CCDC7: variants seen among roughly 807,000 people sequenced by gnomAD.
CCDC7 encodes coiled-coil domain-containing protein 7.
CCDC7 carries 183 observed loss-of-function variants against 196.9 expected under a neutral mutation model. The observed-to-expected ratio is 0.93, with a 90% CI of 0.82 to 1.05. CCDC7 has a LOEUF of 1.05. CCDC7 is among the 50% of genes least tolerant of loss of function. The pLI, the probability that CCDC7 is intolerant of heterozygous loss-of-function variation, is 0.00. For missense variants in CCDC7, 1,540 were observed against 1,482.2 expected (o/e 1.04, Z -0.64); for synonymous variants, 525 against 484.6 (o/e 1.08, Z -1.10).
intron 8 of CCDC7, among the ~76,000 whole-genome samples, chr10:32,491,192 C>T (rs1055451278): frequency 2.6e-5 from 4 of 152,058 alleles, no homozygotes; most frequent in Admixed American, 6.6e-5. Context: ...TCTTTTGACA[C>T]GTGGGATAGA....
At chr10:32,472,053 T>C (rs1224691402) in intron 6 of CCDC7, among the ~76,000 whole-genome samples, 1 of 152,196 alleles carries the variant, frequency 6.6e-6, no homozygotes, top group Non-Finnish European at 1.5e-5. Context: ...CAATAGAGGT[T>C]AAGTAATATA....
At chr10:32,768,829 C>T (rs543144715) in intron 28 of CCDC7, among the ~76,000 whole-genome samples, 2 of 152,142 alleles carry the variant, frequency 1.3e-5, no homozygotes, top group South Asian at 4.1e-4. Flanking sequence ...TATTTATTTG[C>T]ATATATTGAA....
chr10:32,872,943 C>T (rs185489992), intron 41 of CCDC7, among the ~76,000 whole-genome samples: 10 of 152,120 alleles, frequency 6.6e-5, no homozygotes, highest in Middle Eastern at 6.8e-3. Flanking sequence ...TGTGGGTAAC[C>T]GGTGTTTCTC....
chr10:32,574,247 GT>G (rs1216232494), intron 16 of CCDC7, among the ~76,000 whole-genome samples: 1 of 149,664 alleles, frequency 6.7e-6, no homozygotes, highest in East Asian at 1.9e-4. Flanking sequence ...GATGAAATAG[GT>G]TGTTTCAGCT....
At chr10:32,530,575 A>G (rs748738335) in intron 11 of CCDC7, among the ~76,000 whole-genome samples, 12 of 152,080 alleles carry the variant, frequency 7.9e-5, no homozygotes, top group Non-Finnish European at 1.8e-4. Context: ...GAAATGGTAT[A>G]TAATTGGTAC....
chr10:32,698,099 C>T (rs2078030353), intron 24 of CCDC7, among the ~76,000 whole-genome samples: 1 of 150,448 alleles, frequency 6.6e-6, no homozygotes, highest in Non-Finnish European at 1.5e-5. Flanking sequence ...TCCAGCAGAC[C>T]TACAGCTAAG....
intron 11 of CCDC7, among the ~76,000 whole-genome samples, chr10:32,539,928 G>T (rs2051128806): frequency 1.3e-5 from 2 of 151,868 alleles, no homozygotes; most frequent in South Asian, 4.2e-4. Flanking sequence ...TTATTTTATT[G>T]CCAGTTAGAT....
At chr10:32,782,281 G>A (rs1246643347) in intron 29 of CCDC7, among the ~76,000 whole-genome samples, 5 of 151,080 alleles carry the variant, frequency 3.3e-5, no homozygotes. Context: ...CCCAGGCTGT[G>A]CAGTGGCGCA....
At chr10:32,516,875 A>G (rs2047108249) in intron 9 of CCDC7, among the ~76,000 whole-genome samples, 1 of 152,246 alleles carries the variant, frequency 6.6e-6, no homozygotes, top group Non-Finnish European at 1.5e-5. Flanking sequence ...AATGTTCATA[A>G]TAGCATTATT....
At chr10:32,490,753 G>A (rs1192050675) in intron 8 of CCDC7, among the ~76,000 whole-genome samples, 8 of 151,848 alleles carry the variant, frequency 5.3e-5, no homozygotes, top group Non-Finnish European at 1.0e-4. Flanking sequence ...AGCTGAGATC[G>A]CGCCACTGCA....
At chr10:32,828,477 G>GA (rs1261724641) in intron 32 of CCDC7, among the ~76,000 whole-genome samples, 1,382 of 82,268 alleles carry the variant, frequency 0.017, 27 homozygotes, top group Non-Finnish European at 0.026. Context: ...GGAAGAGGAA[G>GA]AGGAAGAGGA....
chr10:32,489,508 C>T (rs1444185330), intron 8 of CCDC7, among the ~76,000 whole-genome samples: 1 of 152,126 alleles, frequency 6.6e-6, no homozygotes, highest in African/African-American at 2.4e-5. Flanking sequence ...CTTCAGGGCC[C>T]TGGGCAAGGC....
intron 29 of CCDC7, among the ~76,000 whole-genome samples, chr10:32,789,172 C>T (rs1409489915): frequency 6.7e-6 from 1 of 150,060 alleles, no homozygotes; most frequent in East Asian, 2.0e-4. Context: ...GTGAAAATAC[C>T]AATGCATGGG....
At chr10:32,814,121 C>A (rs938702382) in intron 30 of CCDC7, among the ~76,000 whole-genome samples, 3 of 152,084 alleles carry the variant, frequency 2.0e-5, no homozygotes, top group Admixed American at 6.5e-5. Flanking sequence ...CCACACCCAG[C>A]TAATTTTTGT....
chr10:32,661,076 T>G (rs2140380441), intron 20 of CCDC7, among the ~76,000 whole-genome samples: 1 of 149,264 alleles, frequency 6.7e-6, no homozygotes, highest in Admixed American at 6.7e-5. Flanking sequence ...AACCTACTCA[T>G]CTGACAAAGG....
intron 18 of CCDC7, among the ~76,000 whole-genome samples, chr10:32,608,367 C>T (rs2061746294): frequency 6.6e-6 from 1 of 151,572 alleles, no homozygotes; most frequent in African/African-American, 2.4e-5. Flanking sequence ...TTTCTGGTTC[C>T]TTGAGGTGTA....
chr10:32,686,743 A>G (rs573962622), intron 22 of CCDC7, among the ~76,000 whole-genome samples: 19 of 152,270 alleles, frequency 1.2e-4, no homozygotes, highest in African/African-American at 4.6e-4. Flanking sequence ...TTTCTAGTTT[A>G]CTCCCAGGAA....
At chr10:32,686,925 G>T (rs955904273) in intron 22 of CCDC7, among the ~76,000 whole-genome samples, 2 of 152,210 alleles carry the variant, frequency 1.3e-5, no homozygotes, top group Non-Finnish European at 2.9e-5. Flanking sequence ...ACTGTTTCCA[G>T]ATCATGGTTT....
chr10:32,800,323 A>G (rs1390214137), intron 29 of CCDC7, among the ~76,000 whole-genome samples: 1 of 152,124 alleles, frequency 6.6e-6, no homozygotes. Flanking sequence ...TTCCCACCAT[A>G]ACAGCCCTCA....
Sources: gnomAD v4.1 joint callset for allele counts (sites outside exome capture counted in the v4.1 genomes callset) on GRCh38, gnomAD v4.1.1 for gene constraint, MANE v1.5 for transcripts, NCBI Gene and HGNC (gene_info 2026-07-23, HGNC 2026-07-21) for gene names.